The following SEZ6L2 variants were observed in gnomAD, a reference collection of about 807,000 sequenced individuals.
The protein encoded by SEZ6L2 is seizure related 6 homolog like 2.
A neutral mutation model predicts 97.0 loss-of-function variants in SEZ6L2; 44 were observed. That is an observed-to-expected ratio of 0.45 (90% CI 0.36 to 0.58). The LOEUF (loss-of-function observed/expected upper bound fraction) is 0.58, where lower values mean the gene tolerates loss of function less well. Among genes scored for constraint, SEZ6L2 ranks in the 20% least tolerant of loss-of-function variants. The pLI, the probability that SEZ6L2 is intolerant of heterozygous loss-of-function variation, is 0.00. For missense variants in SEZ6L2, 1,086 were observed against 1,233.3 expected, an observed-to-expected ratio of 0.88 and a Z score of 1.79; for synonymous variants, 543 against 546.1, an observed-to-expected ratio of 0.99 and a Z score of 0.08.
chr16:29,887,576 T>C (rs1209495551), intron 7 of SEZ6L2, 73 bp downstream of exon 7: 2 of 1,437,390 alleles, frequency 1.4e-6, no homozygotes, highest in Non-Finnish European at 1.9e-6. Context: ...CCTCCCAAAG[T>C]ACTGGGATTA....
chr16:29,878,469 C>A, intron 9 of SEZ6L2, 44 bp from the exon 10 acceptor site: 1 of 1,543,094 alleles, frequency 6.5e-7, no homozygotes, highest in South Asian at 1.3e-5. Context: ...GGTGGGCATG[C>A]TGTCTTCATT....
chr16:29,891,700 C>T (rs1350593344), intron 5 of SEZ6L2, among the ~76,000 whole-genome samples: 4 of 152,060 alleles, frequency 2.6e-5, no homozygotes, highest in East Asian at 3.9e-4. Context: ...CAGCATGGAT[C>T]GGTGCAAAGA....
At chr16:29,891,393 A>G (rs991398742) in intron 5 of SEZ6L2, among the ~76,000 whole-genome samples, 1 of 151,140 alleles carries the variant, frequency 6.6e-6, no homozygotes, top group Non-Finnish European at 1.5e-5. Flanking sequence ...CCCAAGCCTT[A>G]TTTATTTTGT....
chr16:29,898,066 C>A, intron 1 of SEZ6L2, 82 bp from the exon 2 acceptor site: 1 of 1,580,818 alleles, frequency 6.3e-7, no homozygotes, highest in Non-Finnish European at 8.6e-7. Flanking sequence ...AACTCTTCCT[C>A]CCTCCTCCAT....
intron 5 of SEZ6L2, among the ~76,000 whole-genome samples, chr16:29,888,956 T>C (rs1038352394): frequency 6.6e-6 from 1 of 152,108 alleles, no homozygotes; most frequent in African/African-American, 2.4e-5. Context: ...TCACCCTCGT[T>C]GGCCCCCATT....
At chr16:29,893,169 A>G (rs1368672898) in intron 5 of SEZ6L2, among the ~76,000 whole-genome samples, 1 of 151,740 alleles carries the variant, frequency 6.6e-6, no homozygotes, top group African/African-American at 2.4e-5. Flanking sequence ...TACTAAAAAT[A>G]CAAAGTTAGC....
At chr16:29,897,803 A>C (rs201858562) in intron 2 of SEZ6L2, 50 bp downstream of exon 2, 1,017 of 1,553,240 alleles carry the variant, frequency 6.5e-4, no homozygotes, top group Admixed American at 2.1e-3. Flanking sequence ...CCCTGAGCCC[A>C]TATCCCTCCC....
Position 29,878,293 on chromosome 16 carries a change from A to G in SEZ6L2, c.1706T>C (p.Val569Ala). ...VQEEKRILLQ[V>A]EILNVREGDM... ...CTGCAGGACCCAAACATACATCTCA[A>G]CTTGGAGCAAGATGCGCTTCTCTTC... Residue 569 changes from valine (V) to alanine (A), a missense_variant, in exon 10 of 18, where the codon GTT becomes GCT. By Grantham distance (64) the Val-to-Ala change is moderately conservative (BLOSUM62 0). Coordinates refer to ENST00000617533, the MANE Select transcript of SEZ6L2 (RefSeq NM_001243332.2). 6.3e-7 allele frequency: 1 copy of G among 1,588,918 alleles called. No homozygotes were observed. The highest frequency in any genetic ancestry group is 8.6e-7 in the Non-Finnish European group (1 of 1,166,124).
At position 29,887,806 on chromosome 16, in the gene SEZ6L2, C is replaced by A. The variant is rs767999036; in HGVS notation, c.1051G>T (p.Gly351Cys). ...ETPSCMASCG[G>C]TIHNATLGRI... ...CCCAGGGTGGCATTGTGGATGGTGCCACCACAGGATGCTGTGGGCAGAGGA... is the reference window on the plus strand; with the variant it reads ...CCCAGGGTGGCATTGTGGATGGTGCAACCACAGGATGCTGTGGGCAGAGGA... Residue 351 changes from glycine (G) to cysteine (C), a missense_variant, in exon 7 of 18, where the codon GGC becomes TGC. By Grantham distance (159) the Gly-to-Cys change is radical. Around this residue, in one of 2 missense-constraint regions of SEZ6L2, gnomAD observed 776 missense variants for 794.7 expected, o/e 0.98. Transcript: ENST00000617533. 1 of 1,613,776 alleles carries A rather than the reference C, an allele frequency of 6.2e-7. No individual in the cohort carries two copies.
intron 3 of SEZ6L2, among the ~76,000 whole-genome samples, chr16:29,896,372 C>T (rs542071659): frequency 6.6e-6 from 1 of 152,256 alleles, no homozygotes; most frequent in African/African-American, 2.4e-5. Flanking sequence ...CTCCACCTCC[C>T]GGGTTCAAGC....
intron 3 of SEZ6L2, among the ~76,000 whole-genome samples, 191 bp from the exon 4 acceptor site, chr16:29,896,051 T>C (rs1438566814): frequency 2.0e-5 from 3 of 152,080 alleles, no homozygotes; most frequent in African/African-American, 7.2e-5. Context: ...CAGTCTCAAA[T>C]TCCTGGGCTC....
In SEZ6L2 at chr16:29,896,900, C is replaced by T; in HGVS notation, c.433G>A (p.Gly145Arg). Reference protein sequence around the residue: ...PSPASPGPPLGPEGGEEETTT... With the variant: ...PSPASPGPPLRPEGGEEETTT... The stretch of plus-strand genomic sequence containing the variant: ...GTCTCCTCCTCTCCTCCCTCAGGCC[C>T]AAGGGGAGGCCCTGGGGAGGCAGGG... The change falls in exon 3 of 18, where the codon GGG (glycine) becomes AGG (arginine). Residue 145 changes from glycine (G) to arginine (R), a missense_variant. Transcript: ENST00000617533. 5 of 1,613,416 alleles carry T rather than the reference C, an allele frequency of 3.1e-6. No individual in the cohort carries two copies. The highest frequency in any genetic ancestry group is 4.2e-6 in the Non-Finnish European group (5 of 1,179,520).
Position 29,873,380 on chromosome 16 carries a change from G to A in SEZ6L2, c.2348C>T (p.Thr783Met), listed in dbSNP as rs372252400. ...NPGVPENGYQ[T>M]LYKHHYQAGE... ...CGCCTGGTAGTGGTGCTTGTACAGC[G>A]TCTGGTAGCCATTCTCGGGAACCCC... Residue 783 changes from threonine to methionine, a missense_variant, in exon 14 of 18, where the codon ACG (threonine) becomes ATG (methionine). By Grantham distance (81) the Thr-to-Met change is moderately conservative. This residue lies in a region of SEZ6L2 where 310 missense variants were observed against 438.6 expected (regional missense o/e 0.71). Coordinates refer to ENST00000617533, the MANE Select transcript of SEZ6L2 (RefSeq NM_001243332.2). This position sits in a 1 kb window ranked among gnomAD's most constrained non-coding sequence, Gnocchi z 4.3. 4.1e-5 allele frequency: 66 copies of A among 1,614,124 alleles called. No homozygotes were observed. Among genetic ancestry groups the A allele is most frequent in the Middle Eastern group, 1.6e-4 (1 of 6,084 alleles).
In SEZ6L2 at chr16:29,873,225, T is replaced by C; in HGVS notation, c.2488+15A>G. 6.2e-7 allele frequency: 1 copy of C among 1,613,306 alleles called. No individual in the cohort carries two copies. The highest frequency in any genetic ancestry group is 8.5e-7 in the Non-Finnish European group (1 of 1,179,768). ...GGACACTGGTGTGCCCCTCCTGCCC[T>C]GTCTGGCCAGGCACCTTTGCAGAGT... On this transcript the variant is annotated intron_variant, in intron 14 of 17. Coordinates refer to ENST00000617533, the MANE Select transcript of SEZ6L2 (RefSeq NM_001243332.2). This position sits in a 1 kb window ranked among gnomAD's most constrained non-coding sequence, Gnocchi z 4.3.
Position 29,872,693 on chromosome 16 carries a change from G to C in SEZ6L2, c.2527+12C>G. Reference sequence around the variant, plus strand: ...CTGGCCAGCCTGGGTCTCCACCTGTGCTCTCACTGACCTTCCAGTTTTCGG... The same window carrying C: ...CTGGCCAGCCTGGGTCTCCACCTGTCCTCTCACTGACCTTCCAGTTTTCGG... On this transcript the variant is annotated intron_variant, in intron 15 of 17. Coordinates refer to ENST00000617533, the MANE Select transcript of SEZ6L2 (RefSeq NM_001243332.2). 6.2e-7 allele frequency: 1 copy of C among 1,613,176 alleles called. No individual in the cohort carries two copies. Among genetic ancestry groups the C allele is most frequent in the Non-Finnish European group, 8.5e-7 (1 of 1,179,696 alleles).
In SEZ6L2 at chr16:29,877,270, C is replaced by A. The variant is rs762492522; in HGVS notation, c.1909+1G>T. On this transcript the variant is annotated splice_donor_variant, in intron 11 of 17. Coordinates refer to ENST00000617533, the MANE Select transcript of SEZ6L2 (RefSeq NM_001243332.2). LOFTEE classifies it high-confidence loss of function. Reference sequence around the variant, plus strand: ...CATCCCGGGACTCTATCCCTCAGTACCTTTGAAGTGCAATACGAAGCCCTG... The same window carrying A: ...CATCCCGGGACTCTATCCCTCAGTAACTTTGAAGTGCAATACGAAGCCCTG... 3 of 1,584,312 alleles carry A rather than the reference C, an allele frequency of 1.9e-6. No individual in the cohort carries two copies. The highest frequency in any genetic ancestry group is 1.3e-5 in the African/African-American group (1 of 74,278).
intron 6 of SEZ6L2, among the ~76,000 whole-genome samples, 191 bp from the exon 7 acceptor site, chr16:29,888,008 C>A (rs1257729142): frequency 6.6e-6 from 1 of 152,202 alleles, no homozygotes; most frequent in South Asian, 2.1e-4. Context: ...AAGAAACCAG[C>A]CCCGGTACGG....
At position 29,876,653 on chromosome 16, in the gene SEZ6L2, A is replaced by C. The variant is rs1596962265; in HGVS notation, c.2104+103T>G. The C allele has an allele frequency of 3.7e-6, 4 of 1,070,930 alleles. No individual in the cohort carries two copies. Among genetic ancestry groups the C allele is most frequent in the Non-Finnish European group, 5.2e-6 (4 of 765,250 alleles). 66.3% of individuals were successfully genotyped at this position (1,070,930 alleles called of 1,614,324 possible). A position where few individuals can be genotyped will look rare whatever the true frequency, so the allele number is the denominator to read the frequency against. On this transcript the variant is annotated intron_variant, in intron 12 of 17. Transcript: ENST00000617533. This position sits in a 1 kb window ranked among gnomAD's most constrained non-coding sequence, Gnocchi z 6.5. The stretch of plus-strand genomic sequence containing the variant: ...AAGATCCAGGAAGGACCCCGAGCGA[A>C]GGGATGGAACCCAGAAAGCACGGGG...
intron 11 of SEZ6L2, 122 bp from the exon 12 acceptor site, chr16:29,877,072 G>A (rs928106612): frequency 1.1e-4 from 126 of 1,155,468 alleles, no homozygotes; most frequent in Admixed American, 5.4e-5. Flanking sequence ...CTTAGAGACA[G>A]GGTTTCCTGT....
Sources: gnomAD v4.1 joint callset for allele counts (sites outside exome capture counted in the v4.1 genomes callset) on GRCh38, gnomAD v4.1.1 for gene constraint, gnomAD v4.1.1 regional missense constraint, Gnocchi (gnomAD v3.1) non-coding constraint, MANE v1.5 for transcripts, NCBI Gene and HGNC (gene_info 2026-07-23, HGNC 2026-07-21) for gene names.